Variants in FAM184B observed in about 807,000 individuals in gnomAD.
The protein encoded by FAM184B is protein FAM184B.
In FAM184B, 111 loss-of-function variants were observed where a neutral mutation model predicts 135.9. The ratio of observed to expected loss-of-function variants is 0.82; its 90% CI spans 0.70 to 0.96. FAM184B has a LOEUF of 0.96. Ranked by LOEUF, FAM184B falls within the 40% of genes least tolerant of loss-of-function variation. The pLI is 0.00. For missense variants in FAM184B, 1,375 were observed against 1,323.9 expected (o/e 1.04, Z -0.60); for synonymous variants, 552 against 524.8 (o/e 1.05, Z -0.71).
At chr4:17,648,943 C>G (rs1286538368) in intron 11 of FAM184B, among the ~76,000 whole-genome samples, 1 of 152,158 alleles carries the variant, frequency 6.6e-6, no homozygotes, top group Admixed American at 6.5e-5. Flanking sequence ...TCTGATAGAG[C>G]AGATGCTATT....
chr4:17,636,489 G>T, intron 15 of FAM184B, 39 bp downstream of exon 15: 2 of 1,498,008 alleles, frequency 1.3e-6, no homozygotes, highest in Middle Eastern at 1.7e-4. Flanking sequence ...CGCAGTGCCC[G>T]GCCAGGTGCG....
At position 17,642,372 on chromosome 4, in the gene FAM184B, C is replaced by T; in HGVS notation, c.2347-144G>A. On this transcript the variant is annotated intron_variant, in intron 12 of 17. Coordinates refer to ENST00000265018, the MANE Select transcript of FAM184B (RefSeq NM_015688.2). ...CTGTGGCAGGCTCCTGAGTTCCCTG[C>T]AGGGACTCCCATCTAGTCTCTTAAA... 4 of 1,354,616 alleles carry T rather than the reference C, an allele frequency of 3.0e-6. No individual in the cohort carries two copies. In the Admixed American group the frequency reaches 1.1e-4, roughly 37 times the overall value. 83.9% of individuals were successfully genotyped at this position (1,354,616 alleles called of 1,614,324 possible). A position where few individuals can be genotyped will look rare whatever the true frequency, so the allele number is the denominator to read the frequency against.
At position 17,781,313 on chromosome 4, in the gene FAM184B, C is replaced by G. The variant is rs1419948506; in HGVS notation, c.-14G>C. 6.6e-7 allele frequency: 1 copy of G among 1,522,828 alleles called. No individual in the cohort carries two copies. Among genetic ancestry groups the G allele is most frequent in the Non-Finnish European group, 8.9e-7 (1 of 1,128,822 alleles). The allele number at this position is 1,522,828 out of a possible 1,614,324, so 94.3% of individuals were successfully genotyped here. On this transcript the variant is annotated 5_prime_UTR_variant, in exon 1 of 18. Transcript: ENST00000265018. This position sits in a 1 kb window ranked among gnomAD's most constrained non-coding sequence, Gnocchi z 6.5. ...AGCAGAAGCCATCGCTAAAACGCGC[C>G]CAGCACTCAGACTCTCTCGTTTTCT...
intron 1 of FAM184B, among the ~76,000 whole-genome samples, chr4:17,744,847 T>C (rs1376501456): frequency 6.6e-6 from 1 of 152,210 alleles, no homozygotes; most frequent in Non-Finnish European, 1.5e-5. Context: ...AGAAAGAGTC[T>C]GATAGAGCCA....
At chr4:17,715,335 TG>T (rs1295595565) in intron 1 of FAM184B, among the ~76,000 whole-genome samples, 5 of 151,858 alleles carry the variant, frequency 3.3e-5, no homozygotes, top group Non-Finnish European at 7.4e-5. Flanking sequence ...ATTAGCTGTG[TG>T]TGGTGGTGTG....
chr4:17,668,676 G>A (rs944350143), intron 7 of FAM184B, among the ~76,000 whole-genome samples: 18 of 152,166 alleles, frequency 1.2e-4, no homozygotes, highest in Admixed American at 7.2e-4. Context: ...GGGACTACAG[G>A]CGTGTGACAA....
At position 17,708,852 on chromosome 4, in the gene FAM184B, A is replaced by G. The variant is rs1199020992; in HGVS notation, c.894+40T>C. On this transcript the variant is annotated intron_variant, in intron 2 of 17. Transcript: ENST00000265018. ...AGGTTCACAATAAGCAGCCCTGCTG[A>G]TTTATCCCTTTGGGGTTGTAAGAAG... 8 of 1,465,494 alleles carry G rather than the reference A, an allele frequency of 5.5e-6. No individual in the cohort carries two copies. The African/African-American group carries it at 8.6e-5, about 16-fold the overall frequency. The allele number at this position is 1,465,494 out of a possible 1,614,324, so 90.8% of individuals were successfully genotyped here. A position where few individuals can be genotyped will look rare whatever the true frequency, so the allele number is the denominator to read the frequency against.
Position 17,709,339 on chromosome 4 carries a change from C to T in FAM184B, c.447G>A (p.Arg149=). The T allele has an allele frequency of 6.5e-7, 1 of 1,549,882 alleles. No individual in the cohort carries two copies. Among genetic ancestry groups the T allele is most frequent in the Non-Finnish European group, 8.7e-7 (1 of 1,145,902 alleles). Residue 149 remains arginine (R), a synonymous_variant, in exon 2 of 18, where the codon AGG becomes AGA. Coordinates refer to ENST00000265018, the MANE Select transcript of FAM184B (RefSeq NM_015688.2). Reference sequence around the variant, plus strand: ...AGTCAGCCTTGAGCTCCAGCATTTCCCTGGAGAGCGTGAGGACTCGCTCGG... The same window carrying T: ...AGTCAGCCTTGAGCTCCAGCATTTCTCTGGAGAGCGTGAGGACTCGCTCGG... ...EHAERVLTLS[R]EMLELKADYE...
chr4:17,677,893 C>T (rs1400573254), intron 7 of FAM184B, among the ~76,000 whole-genome samples: 1 of 152,060 alleles, frequency 6.6e-6, no homozygotes, highest in South Asian at 2.1e-4. Flanking sequence ...ATGTGATATA[C>T]CACATAAACA....
intron 1 of FAM184B, among the ~76,000 whole-genome samples, chr4:17,768,896 C>T (rs550592966): frequency 9.9e-5 from 15 of 152,102 alleles, no homozygotes; most frequent in South Asian, 8.3e-4. Flanking sequence ...CCTCCGTTCC[C>T]GGGTTCAAGC....
At chr4:17,703,140 T>G (rs1216379977) in intron 5 of FAM184B, among the ~76,000 whole-genome samples, 1 of 152,198 alleles carries the variant, frequency 6.6e-6, no homozygotes, top group African/African-American at 2.4e-5. Flanking sequence ...ATGAGGTACT[T>G]TATAAAGTAT....
chr4:17,650,178 A>G (rs1191327975), intron 11 of FAM184B, among the ~76,000 whole-genome samples: 2 of 150,458 alleles, frequency 1.3e-5, no homozygotes, highest in East Asian at 1.9e-4. Flanking sequence ...ACCCCCATCC[A>G]CTTGTCCATC....
At chr4:17,775,378 G>C (rs1718906118) in intron 1 of FAM184B, among the ~76,000 whole-genome samples, 2 of 151,990 alleles carry the variant, frequency 1.3e-5, no homozygotes, top group African/African-American at 4.8e-5. Flanking sequence ...GTAGAGTCAG[G>C]GTTTCACCAT....
rs1340408984 is a variant in FAM184B at position 17,631,674 on chromosome 4, A to G, written c.*858T>C. On this transcript the variant is annotated 3_prime_UTR_variant, in exon 18 of 18. Transcript: ENST00000265018. ...TTTAGAGGTGGGTGTTATCCCATCT[A>G]TAATCTGCTGCTTGTCTTAGACCAA... The G allele has an allele frequency of 1.3e-5, 2 of 152,198 alleles. No homozygotes were observed. The highest frequency in any genetic ancestry group is 2.9e-5 in the Non-Finnish European group (2 of 68,042). The allele number at this position is 152,198 out of a possible 1,614,324, so 9.4% of individuals were successfully genotyped here. A position where few individuals can be genotyped will look rare whatever the true frequency, so the allele number is the denominator to read the frequency against.
At chr4:17,765,798 G>A (rs1315393078) in intron 1 of FAM184B, among the ~76,000 whole-genome samples, 1 of 152,228 alleles carries the variant, frequency 6.6e-6, no homozygotes, top group Non-Finnish European at 1.5e-5. Flanking sequence ...CTTAAAGGTG[G>A]TGTGTCCAGA....
Position 17,643,555 on chromosome 4 carries a change from C to G in FAM184B, c.2347-1327G>C, listed in dbSNP as rs188052938. Among the ~76,000 whole-genome samples, 586 of 152,238 alleles carry G rather than the reference C, an allele frequency of 3.8e-3. 5 individuals carry two copies. Among genetic ancestry groups the G allele is most frequent in the Non-Finnish European group, 6.1e-3 (417 of 68,014 alleles). ...CCCCAGCTGTCTCCATCCCACATTT[C>G]CCGTCCCCTCCCATTGGTACCAGTG... On this transcript the variant is annotated intron_variant, in intron 12 of 17. Coordinates refer to ENST00000265018, the MANE Select transcript of FAM184B (RefSeq NM_015688.2).
chr4:17,729,374 C>G (rs904361579), intron 1 of FAM184B, among the ~76,000 whole-genome samples: 1 of 152,198 alleles, frequency 6.6e-6, no homozygotes, highest in Non-Finnish European at 1.5e-5. Flanking sequence ...CTTAAATGTC[C>G]CTGTCTGACA....
chr4:17,754,736 T>TGGTA (rs1487394242), intron 1 of FAM184B, among the ~76,000 whole-genome samples: 4 of 152,078 alleles, frequency 2.6e-5, no homozygotes, highest in Non-Finnish European at 5.9e-5. Flanking sequence ...ACATCATTGT[T>TGGTA]GGTAGTGTTA....
In FAM184B at chr4:17,705,193, G is replaced by T. The variant is rs1717079381; in HGVS notation, c.1184C>A (p.Ala395Glu). Residue 395 changes from alanine to glutamate, a missense_variant, in exon 5 of 18, where the codon GCA (alanine) becomes GAA (glutamate). By Grantham distance (107) the Ala-to-Glu change is moderately radical. Transcript: ENST00000265018. The stretch of plus-strand genomic sequence containing the variant: ...CTTCATATATTCTGTCTCAGCACTT[G>T]CCTCTTTCTTGGTCTATAAAAAGAA... ...GGTDMQTKKEASAETEYMKQQ... is the reference protein window; with the variant it reads ...GGTDMQTKKEESAETEYMKQQ... The T allele has an allele frequency of 1.3e-6, 2 of 1,551,474 alleles. No homozygotes were observed. The highest frequency in any genetic ancestry group is 8.7e-7 in the Non-Finnish European group (1 of 1,146,948).
Sources: gnomAD v4.1 joint callset for allele counts (sites outside exome capture counted in the v4.1 genomes callset) on GRCh38, gnomAD v4.1.1 for gene constraint, Gnocchi (gnomAD v3.1) non-coding constraint, MANE v1.5 for transcripts, NCBI Gene and HGNC (gene_info 2026-07-23, HGNC 2026-07-21) for gene names.